The following GALNT13 variants were observed in gnomAD, a reference collection of about 807,000 sequenced individuals.
GALNT13 encodes the protein polypeptide N-acetylgalactosaminyltransferase 13.
A neutral mutation model predicts 64.2 loss-of-function variants in GALNT13; 28 were observed. The observed-to-expected ratio is 0.44, with a 90% confidence interval of 0.32 to 0.60. The LOEUF (loss-of-function observed/expected upper bound fraction) is 0.60. Among genes scored for constraint, GALNT13 ranks in the 20% least tolerant of loss-of-function variants. The probability of loss-of-function intolerance (pLI) is 0.05; values close to 1 mark genes in which losing one functional copy is unlikely to be tolerated. For synonymous variants in GALNT13, 214 were observed against 224.6 expected, an observed-to-expected ratio of 0.95 and a Z score of 0.42; for missense variants, 577 against 669.8, an observed-to-expected ratio of 0.86 and a Z score of 1.53.
chr2:154,374,794 A>G (rs556512803), intron 9 of GALNT13, among the ~76,000 whole-genome samples: 1 of 152,288 alleles, frequency 6.6e-6, no homozygotes, highest in East Asian at 1.9e-4. Context: ...AAATGCTCCA[A>G]GCCCAGATTT....
intron 1 of GALNT13, among the ~76,000 whole-genome samples, chr2:153,894,118 C>T (rs1487947642): frequency 6.6e-6 from 1 of 152,068 alleles, no homozygotes; most frequent in Non-Finnish European, 1.5e-5. Context: ...ATTGAACACT[C>T]TTCACGTTGG....
intron 9 of GALNT13, among the ~76,000 whole-genome samples, chr2:154,337,798 A>AC (rs761662962): frequency 3.3e-5 from 5 of 152,060 alleles, no homozygotes; most frequent in Non-Finnish European, 5.9e-5. Context: ...CATAAAGACC[A>AC]GGTGGTCTTT....
At chr2:153,077,478 A>T in the GALNT13 span, among the ~76,000 whole-genome samples, 1 of 152,070 alleles carries the variant, frequency 6.6e-6, no homozygotes, top group African/African-American at 2.4e-5. Context: ...GTGAATAAGG[A>T]AGCAAAATAA....
intron 2 of GALNT13, among the ~76,000 whole-genome samples, chr2:153,940,294 G>C (rs1218574991): frequency 1.4e-5 from 2 of 140,840 alleles, no homozygotes; most frequent in African/African-American, 2.7e-5. Flanking sequence ...GTCTTGCTCT[G>C]TTGCCCAGGC....
At chr2:154,084,723 CTT>C (rs1369970485) in intron 3 of GALNT13, among the ~76,000 whole-genome samples, 1 of 151,946 alleles carries the variant, frequency 6.6e-6, no homozygotes, top group African/African-American at 2.4e-5. Context: ...CTAAGAATAA[CTT>C]TATATAAAGG....
chr2:153,680,100 G>A, the GALNT13 span, among the ~76,000 whole-genome samples: 8 of 151,444 alleles, frequency 5.3e-5, no homozygotes, highest in Non-Finnish European at 7.4e-5. Context: ...TTCATCTTCC[G>A]TTAAGAAGAC....
the GALNT13 span, among the ~76,000 whole-genome samples, chr2:153,244,256 C>T: frequency 6.6e-6 from 1 of 152,132 alleles, no homozygotes; most frequent in Non-Finnish European, 1.5e-5. Flanking sequence ...AGATGAATGA[C>T]TTATGATGAC....
chr2:153,400,559 C>T, the GALNT13 span, among the ~76,000 whole-genome samples: 1 of 152,146 alleles, frequency 6.6e-6, no homozygotes, highest in Admixed American at 6.5e-5. Flanking sequence ...TGGTCCTGGA[C>T]TCTTTTTGGT....
chr2:154,262,108 C>T (rs936177800), intron 8 of GALNT13, among the ~76,000 whole-genome samples: 16 of 152,066 alleles, frequency 1.1e-4, no homozygotes, highest in Admixed American at 3.3e-4. Flanking sequence ...GATTTAAATA[C>T]GGTTTCAAAG....
Position 154,242,892 on chromosome 2 carries a change from A to G in GALNT13, c.673A>G (p.Ile225Val), listed in dbSNP as rs200713585. 2 of 1,614,042 alleles carry G rather than the reference A, an allele frequency of 1.2e-6. No homozygotes were observed. Among genetic ancestry groups the G allele is most frequent in the Admixed American group, 3.3e-5 (2 of 60,014 alleles). ...ATGGCTGGAGCCTTTGCTGGCAAGAATAAAGGAAGACAGGTAAGAATTTAT... is the reference window on the plus strand; with the variant it reads ...ATGGCTGGAGCCTTTGCTGGCAAGAGTAAAGGAAGACAGGTAAGAATTTAT... ...LGWLEPLLARIKEDRKTVVCP... is the reference protein window; with the variant it reads ...LGWLEPLLARVKEDRKTVVCP... The change falls in exon 6 of 13, where the codon ATA becomes GTA. Residue 225 changes from isoleucine to valine, a missense_variant. Coordinates refer to ENST00000392825, the MANE Select transcript of GALNT13 (RefSeq NM_052917.4).
the GALNT13 span, among the ~76,000 whole-genome samples, chr2:153,392,106 T>C: frequency 2.7e-5 from 4 of 148,704 alleles, no homozygotes; most frequent in Admixed American, 1.3e-4. Context: ...ATGTAACTTA[T>C]GTATGTTTAT....
At chr2:153,405,941 G>A in the GALNT13 span, among the ~76,000 whole-genome samples, 9 of 152,144 alleles carry the variant, frequency 5.9e-5, no homozygotes, top group Admixed American at 2.0e-4. Flanking sequence ...AGAGCGCTTC[G>A]TAGGGTTTCA....
intron 4 of GALNT13, among the ~76,000 whole-genome samples, chr2:154,211,140 ATG>A (rs939886913): frequency 2.2e-4 from 33 of 152,192 alleles, no homozygotes; most frequent in African/African-American, 7.9e-4. Context: ...ACAGTGGGAA[ATG>A]TGTCCTTAGG....
At chr2:153,790,217 C>T in the GALNT13 span, among the ~76,000 whole-genome samples, 3 of 152,220 alleles carry the variant, frequency 2.0e-5, no homozygotes, top group East Asian at 1.9e-4. Context: ...AGCAGCACAA[C>T]AAAATGCTAA....
chr2:154,277,838 C>G (rs1008595015), intron 8 of GALNT13, among the ~76,000 whole-genome samples: 1 of 152,152 alleles, frequency 6.6e-6, no homozygotes, highest in Admixed American at 6.5e-5. Flanking sequence ...TTATAATTGT[C>G]AAACTAACCA....
the GALNT13 span, among the ~76,000 whole-genome samples, chr2:153,710,704 C>T: frequency 7.9e-5 from 12 of 152,110 alleles, no homozygotes; most frequent in Admixed American, 2.0e-4. Flanking sequence ...TTGCTTGTTT[C>T]CTCCATATGC....
chr2:153,482,977 C>G, the GALNT13 span, among the ~76,000 whole-genome samples: 2 of 152,034 alleles, frequency 1.3e-5, no homozygotes, highest in African/African-American at 4.8e-5. Flanking sequence ...ATGAAAAAAG[C>G]CATTAAATTT....
chr2:154,291,635 G>A lies in GALNT13; in HGVS notation c.976-9774G>A, dbSNP rs1249344760. Among the ~76,000 whole-genome samples, 3 of 152,294 alleles carry A rather than the reference G, an allele frequency of 2.0e-5. No individual in the cohort carries two copies. The East Asian group carries it at 5.8e-4, about 30-fold the overall frequency. On this transcript the variant is annotated intron_variant, in intron 8 of 12. Coordinates refer to ENST00000392825, the MANE Select transcript of GALNT13 (RefSeq NM_052917.4). ...CCCATGCCCACCCAGAACCCGGCCG[G>A]CCCACGGGTGCTGCGTGCAGCCCCA...
chr2:154,126,157 T>C (rs1682248435), intron 3 of GALNT13, among the ~76,000 whole-genome samples: 1 of 152,180 alleles, frequency 6.6e-6, no homozygotes, highest in South Asian at 2.1e-4. Flanking sequence ...AATCTACTTT[T>C]TCCCAAGACC....
Sources: gnomAD v4.1 joint callset for allele counts (sites outside exome capture counted in the v4.1 genomes callset) on GRCh38, gnomAD v4.1.1 for gene constraint, MANE v1.5 for transcripts, NCBI Gene and HGNC (gene_info 2026-07-23, HGNC 2026-07-21) for gene names.